Variants in UBE2E2 observed in about 807,000 individuals in gnomAD.
The protein encoded by UBE2E2 is ubiquitin conjugating enzyme E2 E2.
UBE2E2 carries 6 observed loss-of-function variants against 24.7 expected under a neutral mutation model. The observed-to-expected ratio is 0.24, with a 90% CI of 0.13 to 0.48. The LOEUF is 0.48. Among genes scored for constraint, UBE2E2 ranks in the 20% least tolerant of loss-of-function variants. UBE2E2 has a pLI of 0.99. For synonymous variants in UBE2E2, 104 were observed against 83.6 expected (o/e 1.24, Z -1.33); for missense variants, 169 against 245.0 (o/e 0.69, Z 2.07).
intron 3 of UBE2E2, among the ~76,000 whole-genome samples, chr3:23,234,573 A>G (rs1308554431): frequency 6.6e-6 from 1 of 152,190 alleles, no homozygotes; most frequent in Non-Finnish European, 1.5e-5. Flanking sequence ...ATCGATATTT[A>G]CGTGTTGACA....
chr3:23,261,839 A>G (rs186609856), intron 3 of UBE2E2, among the ~76,000 whole-genome samples: 1 of 152,188 alleles, frequency 6.6e-6, no homozygotes, highest in Non-Finnish European at 1.5e-5. Context: ...TTTTATTGAT[A>G]TATACACACA....
At chr3:23,363,101 G>T (rs919560357) in intron 3 of UBE2E2, among the ~76,000 whole-genome samples, 1 of 152,242 alleles carries the variant, frequency 6.6e-6, no homozygotes, top group Non-Finnish European at 1.5e-5. Context: ...CAAATGCTAA[G>T]AGTATTTGTT....
chr3:23,266,430 T>C (rs1698051233), intron 3 of UBE2E2, among the ~76,000 whole-genome samples: 1 of 152,190 alleles, frequency 6.6e-6, no homozygotes, highest in African/African-American at 2.4e-5. Context: ...GGATATGAAA[T>C]TCTAGGTTGA....
chr3:23,455,226 A>G (rs1161275207), intron 3 of UBE2E2, among the ~76,000 whole-genome samples: 1 of 152,200 alleles, frequency 6.6e-6, no homozygotes, highest in Non-Finnish European at 1.5e-5. Context: ...CTACCACACA[A>G]GTGAATTACA....
intron 3 of UBE2E2, among the ~76,000 whole-genome samples, chr3:23,255,198 A>C (rs1697685740): frequency 6.9e-6 from 1 of 145,542 alleles, no homozygotes; most frequent in Admixed American, 7.1e-5. Context: ...ACCCTCCCAC[A>C]TCAGCCTCCT....
At chr3:23,549,954 A>T (rs1308863033) in intron 5 of UBE2E2, among the ~76,000 whole-genome samples, 1 of 150,730 alleles carries the variant, frequency 6.6e-6, no homozygotes, top group Non-Finnish European at 1.5e-5. Context: ...AATCGCTTAA[A>T]CCTAGGAGGC....
intron 3 of UBE2E2, among the ~76,000 whole-genome samples, chr3:23,423,927 A>G (rs1256023429): frequency 1.3e-5 from 2 of 152,044 alleles, no homozygotes; most frequent in African/African-American, 4.8e-5. Context: ...CCCTCCTTCA[A>G]TTCATGATCC....
At chr3:23,548,342 C>G (rs1695569599) in intron 5 of UBE2E2, among the ~76,000 whole-genome samples, 1 of 152,148 alleles carries the variant, frequency 6.6e-6, no homozygotes, top group African/African-American at 2.4e-5. Context: ...TTGCATTTTG[C>G]TTTACTTTCT....
At chr3:23,208,636 T>G (rs1696219638) in intron 1 of UBE2E2, 56 bp from the exon 2 acceptor site, 2 of 1,367,542 alleles carry the variant, frequency 1.5e-6, no homozygotes, top group Non-Finnish European at 2.0e-6. Context: ...CTCTGTGTTC[T>G]GGAGGTAGCT....
chr3:23,309,869 G>A (rs569429760), intron 3 of UBE2E2, among the ~76,000 whole-genome samples: 2 of 152,204 alleles, frequency 1.3e-5, no homozygotes, highest in South Asian at 2.1e-4. Context: ...GACTGCCCTC[G>A]TGACATGGTG....
chr3:23,323,910 C>A (rs1298246823), intron 3 of UBE2E2, among the ~76,000 whole-genome samples: 1 of 152,092 alleles, frequency 6.6e-6, no homozygotes, highest in Non-Finnish European at 1.5e-5. Flanking sequence ...TCCTTGAAGA[C>A]AAAAGTTGTG....
At chr3:23,568,555 G>A (rs1696135434) in intron 5 of UBE2E2, among the ~76,000 whole-genome samples, 1 of 149,878 alleles carries the variant, frequency 6.7e-6, no homozygotes, top group Non-Finnish European at 1.5e-5. Context: ...CTGGCTGGCA[G>A]AAACAAACGC....
intron 2 of UBE2E2, among the ~76,000 whole-genome samples, chr3:23,215,320 T>C (rs1696446881): frequency 6.6e-6 from 1 of 152,144 alleles, no homozygotes; most frequent in Non-Finnish European, 1.5e-5. Context: ...ACATTTATTA[T>C]AACTAAATAT....
intron 3 of UBE2E2, among the ~76,000 whole-genome samples, chr3:23,333,192 G>T (rs898363987): frequency 1.3e-5 from 2 of 152,174 alleles, no homozygotes; most frequent in Non-Finnish European, 2.9e-5. Flanking sequence ...GATCATGGAG[G>T]CATGTCAAAT....
rs565512418 is a variant in UBE2E2 at position 23,250,270 on chromosome 3, T to C, written c.227+32958T>C. On this transcript the variant is annotated intron_variant, in intron 3 of 5. Transcript: ENST00000396703. ...TTTCCTGTACTATTAACCTATCTTC[T>C]ACGCTGGTCTTTAATTCTCTTTTAC... Among the ~76,000 whole-genome samples the C allele has an allele frequency of 2.6e-5, 4 of 152,368 alleles. 1 individual carries two copies. In the South Asian group the frequency reaches 8.3e-4, roughly 32 times the overall value.
chr3:23,428,199 T>A (rs1697973452), intron 3 of UBE2E2, among the ~76,000 whole-genome samples: 1 of 152,206 alleles, frequency 6.6e-6, no homozygotes, highest in Admixed American at 6.5e-5. Context: ...ATTTTAAAAA[T>A]GCTGTGCGAC....
chr3:23,320,397 T>C (rs1005325822), intron 3 of UBE2E2, among the ~76,000 whole-genome samples: 1 of 152,218 alleles, frequency 6.6e-6, no homozygotes, highest in Non-Finnish European at 1.5e-5. Flanking sequence ...TATTAAGATA[T>C]AATTCACATA....
intron 5 of UBE2E2, among the ~76,000 whole-genome samples, chr3:23,569,955 G>A (rs924426167): frequency 4.6e-5 from 7 of 152,214 alleles, no homozygotes; most frequent in Admixed American, 3.3e-4. Context: ...TACTGCCTTA[G>A]GCTATGTTTT....
At chr3:23,324,532 A>C (rs936035818) in intron 3 of UBE2E2, among the ~76,000 whole-genome samples, 2 of 152,142 alleles carry the variant, frequency 1.3e-5, no homozygotes, top group African/African-American at 4.8e-5. Context: ...TATTAGCTGC[A>C]GTACCAGAAG....
Sources: allele counts gnomAD v4.1 joint callset (sites outside exome capture counted in the v4.1 genomes callset), GRCh38; gene constraint gnomAD v4.1.1; transcripts MANE v1.5; gene names NCBI Gene and HGNC (gene_info 2026-07-23, HGNC 2026-07-21).